The following IL13RA2 variants were observed in gnomAD, a reference collection of about 807,000 sequenced individuals.
IL13RA2 encodes the protein interleukin 13 receptor subunit alpha 2, also known as interleukin-13 receptor subunit alpha-2.
A neutral mutation model predicts 34.1 loss-of-function variants in IL13RA2; 25 were observed. That is an observed-to-expected ratio of 0.73 (90% confidence interval 0.53 to 1.03). The LOEUF is 1.03. Among genes scored for constraint, IL13RA2 ranks in the 50% least tolerant of loss-of-function variants. IL13RA2 has a pLI of 0.00. For synonymous variants in IL13RA2, 106 were observed against 100.4 expected (o/e 1.06, Z -0.33); for missense variants, 297 against 280.9 (o/e 1.06, Z -0.41).
At chrX:115,009,138 T>A (rs2071696005) in intron 7 of IL13RA2, among the ~76,000 whole-genome samples, 1 of 111,191 alleles carries the variant, frequency 9.0e-6, no homozygotes. Flanking sequence ...GTACAAGCAA[T>A]TCTCTTGTAA....
At chrX:115,007,678 T>C (rs17095880) in intron 8 of IL13RA2, among the ~76,000 whole-genome samples, 5,602 of 111,737 alleles carry the variant, frequency 0.05, 344 homozygotes, top group African/African-American at 0.17. Flanking sequence ...CTCAAAAGAA[T>C]GAGCATATTA....
At chrX:115,015,928 A>T in intron 2 of IL13RA2, 107 bp from the exon 3 acceptor site, 1 of 511,197 alleles carries the variant, frequency 2.0e-6, no homozygotes, top group Non-Finnish European at 3.3e-6. Context: ...AGATAAACAA[A>T]ATGTGCTACA....
At chrX:115,007,223 A>G (rs1342030456) in intron 8 of IL13RA2, among the ~76,000 whole-genome samples, 1 of 112,084 alleles carries the variant, frequency 8.9e-6, no homozygotes, top group East Asian at 2.8e-4. Context: ...ACATGAAAGG[A>G]GATGAATGAT....
chrX:115,012,006 T>C (rs2071707474), intron 5 of IL13RA2, among the ~76,000 whole-genome samples: 2 of 112,239 alleles, frequency 1.8e-5, no homozygotes, highest in Admixed American at 1.9e-4. Context: ...ACCTATCCAA[T>C]TCCAGATGAG....
intron 2 of IL13RA2, 26 bp from the exon 3 acceptor site, chrX:115,015,847 T>C (rs782191482): frequency 1.9e-6 from 2 of 1,047,040 alleles, no homozygotes; most frequent in East Asian, 3.1e-5. Context: ...AAAACACTTT[T>C]ATTTTTTCTG....
chrX:115,012,967 A>G (rs1026676673), intron 5 of IL13RA2, among the ~76,000 whole-genome samples: 8 of 111,476 alleles, frequency 7.2e-5, no homozygotes, highest in African/African-American at 9.8e-5. Context: ...AACACGGGTG[A>G]GAAAAAAATG....
Position 115,015,695 on chromosome X carries a change from C to G in IL13RA2, c.221G>C (p.Arg74Pro). The G allele has an allele frequency of 8.3e-7, 1 of 1,204,159 alleles. No individual in the cohort carries two copies. The highest frequency in any genetic ancestry group is 1.1e-6 in the Non-Finnish European group (1 of 888,864). The change falls in exon 3 of 10, where the codon CGA (arginine) becomes CCA (proline). Residue 74 changes from arginine to proline, a missense_variant. By Grantham distance (103) the Arg-to-Pro change is moderately radical. Transcript: ENST00000243213. ...CTTCCATGTTTCACTACCAATGTTT[C>G]GGTATTTTAGTTCATATTCCACTGT... The part of the protein sequence containing the change: ...ECTVEYELKY[R>P]NIGSETWKTI...
In IL13RA2 at chrX:115,007,999, G is replaced by A. The variant is rs2071691771; in HGVS notation, c.930C>T (p.Ser310=). The change falls in exon 8 of 10, where the codon AGC becomes AGT. Residue 310 remains serine (S), a synonymous_variant. Coordinates refer to ENST00000243213, the MANE Select transcript of IL13RA2 (RefSeq NM_000640.3). ...ETRQLCFVVR[S]KVNIYCSDDG... is the part of the protein sequence containing the mutation. ...CATCTGAGCAATAAATATTCACTTT[G>A]CTTCTTACTACAAAGCATAATTGTC... 11 of 1,106,091 alleles carry A rather than the reference G, an allele frequency of 9.9e-6. No individual in the cohort carries two copies. Among genetic ancestry groups the A allele is most frequent in the Non-Finnish European group, 1.4e-5 (11 of 802,228 alleles). 91.2% of individuals were successfully genotyped at this position (1,106,091 alleles called of 1,213,427 possible). A position where few individuals can be genotyped will look rare whatever the true frequency, so the allele number is the denominator to read the frequency against.
intron 7 of IL13RA2, 150 bp downstream of exon 7, chrX:115,009,371 C>T (rs2071697248): frequency 1.7e-5 from 7 of 423,622 alleles, no homozygotes; most frequent in Non-Finnish European, 8.2e-6. Flanking sequence ...TACTTTTGTC[C>T]ATTAGCTTAT....
rs781844222 is a variant in IL13RA2, at chrX:115,005,202, T to C, written c.1111A>G (p.Lys371Glu). The change falls in exon 9 of 10, where the codon AAA becomes GAA. Residue 371 changes from lysine to glutamate, a missense_variant. Lys to Glu is a moderately conservative substitution (Grantham distance 56). Coordinates refer to ENST00000243213, the MANE Select transcript of IL13RA2 (RefSeq NM_000640.3). ...CATAATGTTACACATCTTACCATTT[T>C]TGGGTAGGTGTTTGGCTTACGCAAA... ...LLLRKPNTYP[K>E]MIPEFFCDT is the part of the protein sequence containing the mutation. 1.9e-5 allele frequency: 17 copies of C among 884,144 alleles called. No homozygotes were observed. In the South Asian group the frequency reaches 3.4e-4, roughly 18 times the overall value. The allele number at this position is 884,144 out of a possible 1,213,427, so 72.9% of individuals were successfully genotyped here. A position where few individuals can be genotyped will look rare whatever the true frequency, so the allele number is the denominator to read the frequency against.
At position 115,015,836 on chromosome X, in the gene IL13RA2, TA is replaced by T; in HGVS notation, c.95-16del. ...AGGAGGGTTAACTGAAATAAATCAA[TA>T]AAACACTTTTATTTTTTCTGTATTT... On this transcript the variant is annotated splice_polypyrimidine_tract_variant and intron_variant, in intron 2 of 9. Transcript: ENST00000243213. 9.2e-7 allele frequency: 1 copy of T among 1,090,395 alleles called. No individual in the cohort carries two copies. Among genetic ancestry groups the T allele is most frequent in the Non-Finnish European group, 1.3e-6 (1 of 794,192 alleles). 89.9% of individuals were successfully genotyped at this position (1,090,395 alleles called of 1,213,427 possible).
At chrX:115,013,304 G>C (rs1556508997) in intron 5 of IL13RA2, among the ~76,000 whole-genome samples, 1 of 110,655 alleles carries the variant, frequency 9.0e-6, no homozygotes, top group Non-Finnish European at 1.9e-5. Flanking sequence ...ACCTTGCAAA[G>C]GAGCATCAGA....
At chrX:115,005,386 T>C in intron 8 of IL13RA2, 71 bp from the exon 9 acceptor site, 4 of 591,149 alleles carry the variant, frequency 6.8e-6, no homozygotes, top group South Asian at 2.4e-5. Context: ...TGAATTATTT[T>C]ATAAATACTT....
Position 115,013,773 on chromosome X carries a change from A to T in IL13RA2, c.517T>A (p.Tyr173Asn). The T allele has an allele frequency of 9.6e-7, 1 of 1,043,496 alleles. No individual in the cohort carries two copies. The highest frequency in any genetic ancestry group is 1.3e-6 in the Non-Finnish European group (1 of 751,347). 86.0% of individuals were successfully genotyped at this position (1,043,496 alleles called of 1,213,427 possible). Residue 173 changes from tyrosine (Y) to asparagine (N), a missense_variant, in exon 5 of 10, where the codon TAC (tyrosine) becomes AAC (asparagine). Coordinates refer to ENST00000243213, the MANE Select transcript of IL13RA2 (RefSeq NM_000640.3). ...TCTAATTATAAAAATACTTACCAGT[A>T]AAACAAGTTGTAATTGGTATCAAGA... ...VLLDTNYNLF[Y>N]WYEGLDHALQ...
chrX:115,008,724 T>G (rs1348435166), intron 7 of IL13RA2, among the ~76,000 whole-genome samples: 3 of 111,765 alleles, frequency 2.7e-5, no homozygotes, highest in Non-Finnish European at 5.6e-5. Flanking sequence ...AGCAATTATT[T>G]CAATTTTGCA....
intron 8 of IL13RA2, among the ~76,000 whole-genome samples, chrX:115,006,931 C>T (rs1157412234): frequency 9.0e-6 from 1 of 111,687 alleles, no homozygotes; most frequent in East Asian, 2.8e-4. Flanking sequence ...CTTTCTGATT[C>T]CATATAGCTC....
intron 2 of IL13RA2, among the ~76,000 whole-genome samples, chrX:115,016,129 T>C: frequency 9.1e-6 from 1 of 109,534 alleles, no homozygotes; most frequent in South Asian, 3.8e-4. Context: ...AGATTCGTGG[T>C]TGGTAGGGGC....
intron 5 of IL13RA2, 145 bp downstream of exon 5, chrX:115,013,624 C>T (rs1257002407): frequency 4.6e-6 from 2 of 433,707 alleles, no homozygotes; most frequent in Non-Finnish European, 7.9e-6. Context: ...TTGAAAACCT[C>T]AAATAATTGT....
chrX:115,017,541 G>C lies in IL13RA2; in HGVS notation c.-34+12C>G, dbSNP rs2071733294. On this transcript the variant is annotated intron_variant, in intron 1 of 9. Transcript: ENST00000243213. ...AAAACAAAGCTAAGCAAAAACCCTT[G>C]TAGCTCCTCACCTCCCCGCCGACAG... 2.0e-5 allele frequency: 5 copies of C among 244,541 alleles called. No individual in the cohort carries two copies. The Admixed American group carries it at 3.7e-4, about 18-fold the overall frequency. The allele number at this position is 244,541 out of a possible 1,213,427, so 20.2% of individuals were successfully genotyped here.
Sources: allele counts gnomAD v4.1 joint callset (sites outside exome capture counted in the v4.1 genomes callset), GRCh38; gene constraint gnomAD v4.1.1; transcripts MANE v1.5; gene names NCBI Gene and HGNC (gene_info 2026-07-23, HGNC 2026-07-21).